Variants in TPRG1 observed in about 807,000 individuals in gnomAD.
The protein encoded by TPRG1 is tumor protein p63-regulated gene 1 protein.
TPRG1 carries 29 observed loss-of-function variants against 29.3 expected under a neutral mutation model. The ratio of observed to expected loss-of-function variants is 0.99; its 90% CI spans 0.74 to 1.35. TPRG1 has a LOEUF of 1.35. Among genes scored for constraint, TPRG1 ranks in the 40% most tolerant of loss-of-function variants. TPRG1 has a pLI of 0.00. For missense variants in TPRG1, 327 were observed against 335.0 expected (o/e 0.98, Z 0.19); for synonymous variants, 130 against 116.8 (o/e 1.11, Z -0.73).
At chr3:189,024,223 C>T (rs1452589845) in intron 4 of TPRG1, among the ~76,000 whole-genome samples, 1 of 149,634 alleles carries the variant, frequency 6.7e-6, no homozygotes, top group Non-Finnish European at 1.5e-5. Context: ...CTGGGAGAAC[C>T]TTCCCCGTGA....
At chr3:189,091,524 C>G (rs1282083985) in intron 4 of TPRG1, among the ~76,000 whole-genome samples, 1 of 152,106 alleles carries the variant, frequency 6.6e-6, no homozygotes, top group Non-Finnish European at 1.5e-5. Flanking sequence ...TGCTTTCTGC[C>G]ACTATGGATT....
rs78707418 is a variant in TPRG1, at chr3:189,304,635, C to T, written c.480-5751C>T. Among the ~76,000 whole-genome samples the T allele has an allele frequency of 1.8e-4, 28 of 152,208 alleles. 1 individual carries two copies. The East Asian group carries it at 5.2e-3, about 28-fold the overall frequency. On this transcript the variant is annotated intron_variant, in intron 4 of 5. Coordinates refer to ENST00000345063, the MANE Select transcript of TPRG1 (RefSeq NM_198485.4). ...ATCTTATTGTCTGACTCTGTGCCAG[C>T]GTCTTTTGGGTTCTTGTCATGGAAA...
chr3:189,178,417 T>C (rs1729779109), intron 1 of TPRG1, among the ~76,000 whole-genome samples: 1 of 152,128 alleles, frequency 6.6e-6, no homozygotes, highest in Non-Finnish European at 1.5e-5. Flanking sequence ...TAGTCCCAGC[T>C]ACTCGCAAGG....
chr3:189,055,551 C>T (rs1372849792), intron 4 of TPRG1, among the ~76,000 whole-genome samples: 1 of 152,148 alleles, frequency 6.6e-6, no homozygotes, highest in Non-Finnish European at 1.5e-5. Context: ...ACTCACCAGT[C>T]ATTTGTTAAA....
intron 5 of TPRG1, among the ~76,000 whole-genome samples, chr3:189,151,825 G>A (rs1417757022): frequency 6.6e-6 from 1 of 152,024 alleles, no homozygotes; most frequent in Non-Finnish European, 1.5e-5. Context: ...AGGTTGCAGT[G>A]AGCCAAGATC....
chr3:189,265,536 A>G (rs1051235511), intron 4 of TPRG1, among the ~76,000 whole-genome samples: 2 of 152,088 alleles, frequency 1.3e-5, no homozygotes, highest in East Asian at 1.9e-4. Context: ...TTCTCATAGG[A>G]TCCCTTAGTT....
At chr3:189,181,633 C>T (rs1026820424) in intron 1 of TPRG1, among the ~76,000 whole-genome samples, 3 of 152,198 alleles carry the variant, frequency 2.0e-5, no homozygotes, top group Non-Finnish European at 2.9e-5. Context: ...ATATTATTAT[C>T]AGCATTTTAG....
chr3:189,257,349 T>C (rs1712086227), intron 4 of TPRG1, among the ~76,000 whole-genome samples: 1 of 152,242 alleles, frequency 6.6e-6, no homozygotes, highest in South Asian at 2.1e-4. Flanking sequence ...CTCTTCTGGC[T>C]TGTAGGGTCT....
intron 3 of TPRG1, among the ~76,000 whole-genome samples, chr3:189,144,943 G>A (rs1725049230): frequency 6.6e-6 from 1 of 152,332 alleles, no homozygotes; most frequent in East Asian, 1.9e-4. Context: ...AATGACGCTT[G>A]AGCCTTGCTA....
intron 4 of TPRG1, among the ~76,000 whole-genome samples, chr3:189,249,159 T>C (rs1053105210): frequency 6.6e-6 from 1 of 151,720 alleles, no homozygotes; most frequent in Admixed American, 6.6e-5. Flanking sequence ...GTTATATACA[T>C]GTAATGTTTA....
chr3:189,267,570 T>C (rs1037464786), intron 4 of TPRG1: 1 of 152,150 alleles, frequency 6.6e-6, no homozygotes, highest in Non-Finnish European at 1.5e-5. Flanking sequence ...TAGAGAGTTA[T>C]AAAGTGGCTC....
At chr3:189,035,636 C>T (rs1450196301) in intron 4 of TPRG1, among the ~76,000 whole-genome samples, 1 of 152,106 alleles carries the variant, frequency 6.6e-6, no homozygotes, top group African/African-American at 2.4e-5. Flanking sequence ...ATAGACACTT[C>T]TCAAAAGAAG....
chr3:189,292,236 A>G (rs775506556), intron 4 of TPRG1, among the ~76,000 whole-genome samples: 1 of 150,388 alleles, frequency 6.6e-6, no homozygotes, highest in Non-Finnish European at 1.5e-5. Flanking sequence ...TACACAGAAT[A>G]GTCACAGTGA....
At chr3:189,011,707 G>T (rs989883156) in intron 3 of TPRG1, among the ~76,000 whole-genome samples, 3 of 152,122 alleles carry the variant, frequency 2.0e-5, no homozygotes, top group Non-Finnish European at 2.9e-5. Context: ...GGAATTATGG[G>T]AGCTATGAGA....
chr3:189,300,533 C>G (rs1720666423), intron 4 of TPRG1, among the ~76,000 whole-genome samples: 2 of 152,206 alleles, frequency 1.3e-5, no homozygotes, highest in Non-Finnish European at 2.9e-5. Context: ...GCTTCCCACT[C>G]AGGTTTAGTG....
upstream of TPRG1, among the ~76,000 whole-genome samples, chr3:189,096,106 A>G (rs548077037): frequency 5.1e-4 from 77 of 152,356 alleles, no homozygotes; most frequent in African/African-American, 1.8e-3. Flanking sequence ...GCAAACAGTT[A>G]TTAAACACCA....
At chr3:189,112,587 C>T (rs939608622) in intron 1 of TPRG1, among the ~76,000 whole-genome samples, 1 of 152,076 alleles carries the variant, frequency 6.6e-6, no homozygotes, top group Admixed American at 6.6e-5. Flanking sequence ...TTCAGCTTTC[C>T]ACATGTGGCT....
intron 4 of TPRG1, among the ~76,000 whole-genome samples, chr3:189,274,236 A>G (rs1715714551): frequency 6.6e-6 from 1 of 152,124 alleles, no homozygotes; most frequent in Non-Finnish European, 1.5e-5. Context: ...CTAAGCTCTG[A>G]TAATTTTCTT....
In TPRG1 at chr3:189,323,463, T is replaced by A. The variant is rs1316784682; in HGVS notation, c.*2643T>A. ...ATGAAATGAGGTTAAATTCTTTTAT[T>A]AAACAGAAAGTTTTGAGTATTTGCC... On this transcript the variant is annotated 3_prime_UTR_variant, in exon 6 of 6. Transcript: ENST00000345063. The A allele has an allele frequency of 5.3e-5, 8 of 152,286 alleles. No homozygotes were observed. The East Asian group carries it at 1.3e-3, about 26-fold the overall frequency. 9.4% of individuals were successfully genotyped at this position (152,286 alleles called of 1,614,324 possible). A position where few individuals can be genotyped will look rare whatever the true frequency, so the allele number is the denominator to read the frequency against.
Sources: gnomAD v4.1 joint callset for allele counts (sites outside exome capture counted in the v4.1 genomes callset) on GRCh38, gnomAD v4.1.1 for gene constraint, MANE v1.5 for transcripts, NCBI Gene and HGNC (gene_info 2026-07-23, HGNC 2026-07-21) for gene names.